Variants in CDK19 observed in about 807,000 individuals in gnomAD.
The protein encoded by CDK19 is cyclin dependent kinase 19.
CDK19 carries 20 observed loss-of-function variants against 68.3 expected under a neutral mutation model. That is an observed-to-expected ratio of 0.29 (90% confidence interval 0.21 to 0.43). CDK19 has a LOEUF of 0.43. Ranked by LOEUF, CDK19 falls within the 20% of genes least tolerant of loss-of-function variation. The pLI, the probability that CDK19 is intolerant of heterozygous loss-of-function variation, is 1.00. For synonymous variants in CDK19, 221 were observed against 222.8 expected, an observed-to-expected ratio of 0.99 and a Z score of 0.07; for missense variants, 339 against 623.5, an observed-to-expected ratio of 0.54 and a Z score of 4.86.
rs980506656 is a variant in CDK19, at chr6:110,623,950, T to C, written c.861-588A>G. The stretch of plus-strand genomic sequence containing the variant: ...GTGTATATATATATATGTGTGTATA[T>C]ATATATAGACAATCCAAATGTCCAT... On this transcript the variant is annotated intron_variant, in intron 8 of 12. Coordinates refer to ENST00000368911, the MANE Select transcript of CDK19 (RefSeq NM_015076.5). 1.7e-4 allele frequency among the ~76,000 whole-genome samples: 26 copies of C among 149,306 alleles called. 1 individual carries two copies. The highest frequency in any genetic ancestry group is 6.1e-4 in the African/African-American group (25 of 40,828).
intron 2 of CDK19, among the ~76,000 whole-genome samples, chr6:110,718,771 C>A (rs1448765453): frequency 6.6e-6 from 1 of 151,816 alleles, no homozygotes; most frequent in Non-Finnish European, 1.5e-5. Context: ...CTGAAAGAAT[C>A]ACTAAAAGAT....
chr6:110,812,172 G>T (rs937734790), intron 1 of CDK19, among the ~76,000 whole-genome samples: 1 of 151,564 alleles, frequency 6.6e-6, no homozygotes, highest in African/African-American at 2.4e-5. Flanking sequence ...CCTGGCTGGA[G>T]TGCAGTGGCG....
chr6:110,744,010 C>CA lies in CDK19; in HGVS notation c.204+2115_204+2116insT, dbSNP rs1562252582. Among the ~76,000 whole-genome samples the CA allele has an allele frequency of 6.8e-5, 6 of 88,046 alleles. No individual in the cohort carries two copies. In the East Asian group the frequency reaches 1.4e-3, roughly 21 times the overall value. The allele number at this position is 88,046 out of a possible 152,430, so 57.8% of individuals were successfully genotyped here. ...GTAAAACATTACAAATACCTCCCCA[C>CA]GTTTTTTTTTTTTTTTTTTTTGAGA... On this transcript the variant is annotated intron_variant, in intron 2 of 12. Transcript: ENST00000368911.
In CDK19 at chr6:110,623,353, G is replaced by A; in HGVS notation, c.870C>T (p.Asn290=). 6.2e-7 allele frequency: 1 copy of A among 1,613,776 alleles called. No homozygotes were observed. Among genetic ancestry groups the A allele is most frequent in the South Asian group, 1.1e-5 (1 of 91,040 alleles). The change falls in exon 9 of 13, where the codon AAC becomes AAT. Residue 290 remains asparagine, a synonymous_variant. Transcript: ENST00000368911. ...QKDFRRTTYA[N]SSLIKYMEKH... ...TCTCCATGTACTTTATGAGGCTACT[G>A]TTGGCATACCTGCAAGGACACGCAC...
upstream of CDK19, chr6:110,815,811 G>C (rs980111717): frequency 3.9e-5 from 6 of 152,520 alleles, no homozygotes; most frequent in Admixed American, 2.0e-4. Context: ...TCAGCACCTT[G>C]CTGAAGGGTT....
chr6:110,666,195 C>T (rs1464034176), intron 4 of CDK19, among the ~76,000 whole-genome samples: 2 of 148,288 alleles, frequency 1.3e-5, no homozygotes, highest in Admixed American at 6.7e-5. Flanking sequence ...GAGGGTGGAT[C>T]ACGAGGTCAG....
At chr6:110,734,696 A>G (rs1005956322) in intron 2 of CDK19, among the ~76,000 whole-genome samples, 2 of 152,080 alleles carry the variant, frequency 1.3e-5, no homozygotes, top group African/African-American at 2.4e-5. Context: ...CAGACTGCCA[A>G]GTATGAGCTG....
intron 2 of CDK19, among the ~76,000 whole-genome samples, chr6:110,694,969 T>C (rs1466389904): frequency 1.3e-5 from 2 of 152,078 alleles, no homozygotes; most frequent in Admixed American, 6.6e-5. Flanking sequence ...ATAGAAAAAT[T>C]AGCCAAGCAT....
At chr6:110,625,032 T>C (rs1778999776) in intron 8 of CDK19, among the ~76,000 whole-genome samples, 1 of 152,230 alleles carries the variant, frequency 6.6e-6, no homozygotes, top group Non-Finnish European at 1.5e-5. Context: ...GAAGTACTCA[T>C]CTATTTGTGG....
chr6:110,786,094 C>T (rs1363108495), intron 1 of CDK19, among the ~76,000 whole-genome samples: 3 of 152,072 alleles, frequency 2.0e-5, no homozygotes, highest in Non-Finnish European at 4.4e-5. Flanking sequence ...CTTCTTCCGT[C>T]TGCTTTAGTT....
At chr6:110,714,664 A>C (rs1775225717) in intron 2 of CDK19, among the ~76,000 whole-genome samples, 1 of 150,512 alleles carries the variant, frequency 6.6e-6, no homozygotes, top group Non-Finnish European at 1.5e-5. Flanking sequence ...AATGACGTTG[A>C]GCATCTTTTC....
chr6:110,725,610 C>T (rs1776262883), intron 2 of CDK19, among the ~76,000 whole-genome samples: 2 of 152,066 alleles, frequency 1.3e-5, no homozygotes, highest in Non-Finnish European at 2.9e-5. Context: ...CTCGTGCAGC[C>T]TAATTGGCTG....
At chr6:110,636,261 G>A (rs1206070322) in intron 5 of CDK19, among the ~76,000 whole-genome samples, 6 of 152,160 alleles carry the variant, frequency 3.9e-5, no homozygotes, top group Non-Finnish European at 5.9e-5. Context: ...TAAAGACTTC[G>A]GCTAGGGTGA....
chr6:110,682,363 T>C (rs1042954548), intron 2 of CDK19, among the ~76,000 whole-genome samples: 4 of 152,200 alleles, frequency 2.6e-5, no homozygotes, highest in Non-Finnish European at 2.9e-5. Flanking sequence ...AAGTAGGGTG[T>C]TTTATGGCAA....
chr6:110,787,100 G>T (rs576570450), intron 1 of CDK19, among the ~76,000 whole-genome samples: 1 of 152,108 alleles, frequency 6.6e-6, no homozygotes, highest in Non-Finnish European at 1.5e-5. Flanking sequence ...GGCCAGGCGC[G>T]GTGGCTCACA....
At chr6:110,722,322 A>C (rs950997168) in intron 2 of CDK19, 1 of 152,016 alleles carries the variant, frequency 6.6e-6, no homozygotes, top group African/African-American at 2.4e-5. Flanking sequence ...GTATCATTCC[A>C]ATTTTAGTGC....
At chr6:110,651,262 T>TATCTATCC (rs1169167315) in intron 4 of CDK19, among the ~76,000 whole-genome samples, 5 of 151,398 alleles carry the variant, frequency 3.3e-5, no homozygotes, top group African/African-American at 1.2e-4. Flanking sequence ...TCTATCTATC[T>TATCTATCC]ATCCGTCTAA....
At chr6:110,616,335 T>C (rs1778311029) in intron 12 of CDK19, among the ~76,000 whole-genome samples, 1 of 152,122 alleles carries the variant, frequency 6.6e-6, no homozygotes, top group Non-Finnish European at 1.5e-5. Context: ...GAATATCTGG[T>C]CCAAGATAAC....
chr6:110,647,767 T>G (rs1288944234), intron 4 of CDK19, among the ~76,000 whole-genome samples: 1 of 152,160 alleles, frequency 6.6e-6, no homozygotes, highest in Non-Finnish European at 1.5e-5. Flanking sequence ...AGAAAAAGAT[T>G]AAATGCTCCA....
Sources: gnomAD v4.1 joint callset for allele counts (sites outside exome capture counted in the v4.1 genomes callset) on GRCh38, gnomAD v4.1.1 for gene constraint, MANE v1.5 for transcripts, NCBI Gene and HGNC (gene_info 2026-07-23, HGNC 2026-07-21) for gene names.